Variants in GPD2 observed in about 807,000 individuals in gnomAD.
GPD2 encodes glycerol-3-phosphate dehydrogenase, mitochondrial.
GPD2 carries 54 observed loss-of-function variants against 82.4 expected under a neutral mutation model. That is an observed-to-expected ratio of 0.66 (90% CI 0.53 to 0.82). The LOEUF (loss-of-function observed/expected upper bound fraction) is 0.82. GPD2 is among the 40% of genes least tolerant of loss of function. The probability of loss-of-function intolerance (pLI) is 0.00; values close to 1 mark genes in which losing one functional copy is unlikely to be tolerated. For synonymous variants in GPD2, 288 were observed against 306.1 expected (o/e 0.94, Z 0.62); for missense variants, 748 against 896.2 (o/e 0.83, Z 2.11).
chr2:156,464,587 T>C (rs1342022769), intron 1 of GPD2, among the ~76,000 whole-genome samples: 1 of 152,202 alleles, frequency 6.6e-6, no homozygotes, highest in East Asian at 1.9e-4. Context: ...CTCTTATAAC[T>C]CTCAGTCACC....
In GPD2 at chr2:156,514,089, C is replaced by T. The variant is rs1000803794; in HGVS notation, c.661+593C>T. On this transcript the variant is annotated intron_variant, in intron 6 of 16. Coordinates refer to ENST00000438166, the MANE Select transcript of GPD2 (RefSeq NM_000408.5). ...GTTGTTAGATGTTTTCTAATAGTGA[C>T]ATTACATAGTGGCCATTTGCCATGT... Among the ~76,000 whole-genome samples, 8 of 149,100 alleles carry T rather than the reference C, an allele frequency of 5.4e-5. No homozygotes were observed. In the East Asian group the frequency reaches 1.6e-3, roughly 29 times the overall value.
At chr2:156,479,915 G>T (rs1683659919) in intron 2 of GPD2, among the ~76,000 whole-genome samples, 1 of 152,144 alleles carries the variant, frequency 6.6e-6, no homozygotes, top group Non-Finnish European at 1.5e-5. Flanking sequence ...AGGAACAAGA[G>T]TCTTAGTACT....
At chr2:156,440,830 C>CTA (rs1254986359) in intron 1 of GPD2, among the ~76,000 whole-genome samples, 3 of 152,190 alleles carry the variant, frequency 2.0e-5, no homozygotes, top group Admixed American at 1.3e-4. Flanking sequence ...CCAGTTCTGA[C>CTA]TAAAGAACTT....
intron 8 of GPD2, among the ~76,000 whole-genome samples, chr2:156,551,817 T>C (rs1309680932): frequency 6.6e-6 from 1 of 152,182 alleles, no homozygotes; most frequent in African/African-American, 2.4e-5. Flanking sequence ...TAACAATGTA[T>C]ATAGAAAAAG....
At chr2:156,525,463 A>G (rs746723178) in intron 6 of GPD2, among the ~76,000 whole-genome samples, 2 of 152,186 alleles carry the variant, frequency 1.3e-5, no homozygotes, top group South Asian at 2.1e-4. Flanking sequence ...TCTATTTGCT[A>G]TGAAGGTTCA....
chr2:156,441,998 CAGTG>C (rs758270160), intron 1 of GPD2, among the ~76,000 whole-genome samples: 18 of 152,052 alleles, frequency 1.2e-4, no homozygotes, highest in African/African-American at 3.9e-4. Context: ...GTATTTTTGA[CAGTG>C]AGATACTGTC....
At chr2:156,575,688 G>A (rs895487676) in intron 13 of GPD2, among the ~76,000 whole-genome samples, 7 of 152,058 alleles carry the variant, frequency 4.6e-5, no homozygotes, top group Non-Finnish European at 8.8e-5. Flanking sequence ...TCACAGGCAT[G>A]AGCCACCACA....
At chr2:156,485,426 A>G (rs1276267753) in intron 2 of GPD2, among the ~76,000 whole-genome samples, 1 of 152,206 alleles carries the variant, frequency 6.6e-6, no homozygotes. Flanking sequence ...TGTTGTCTGT[A>G]TGGATTTATT....
chr2:156,447,933 C>T (rs894327744), intron 1 of GPD2, among the ~76,000 whole-genome samples: 2 of 152,146 alleles, frequency 1.3e-5, no homozygotes, highest in Admixed American at 6.5e-5. Context: ...CAGACTTATT[C>T]GCTGAACTCA....
At position 156,558,306 on chromosome 2, in the gene GPD2, A is replaced by T. The variant is rs563110280; in HGVS notation, c.1165+724A>T. 5.1e-4 allele frequency among the ~76,000 whole-genome samples: 77 copies of T among 152,016 alleles called. 1 individual carries two copies. Among genetic ancestry groups the T allele is most frequent in the Non-Finnish European group, 1.0e-3 (69 of 68,004 alleles). ...TTTTTGGTATCCTTTCTCTTTCCAT[A>T]TCCAGTCTAATGCCTATCTATGCTT... On this transcript the variant is annotated intron_variant, in intron 9 of 16. Coordinates refer to ENST00000438166, the MANE Select transcript of GPD2 (RefSeq NM_000408.5).
At chr2:156,536,878 CA>C (rs565108751) in intron 6 of GPD2, among the ~76,000 whole-genome samples, 43 of 152,330 alleles carry the variant, frequency 2.8e-4, no homozygotes, top group Admixed American at 5.2e-4. Flanking sequence ...AAATGCATGA[CA>C]GTATCTTCAG....
chr2:156,407,302 T>A, the GPD2 span, among the ~76,000 whole-genome samples: 150 of 151,948 alleles, frequency 9.9e-4, 1 homozygote, highest in African/African-American at 2.9e-3. Context: ...ATTAAAAAAA[T>A]TTTTTTAATC....
the GPD2 span, among the ~76,000 whole-genome samples, chr2:156,412,044 T>C: frequency 6.6e-6 from 1 of 152,210 alleles, no homozygotes; most frequent in Admixed American, 6.5e-5. Context: ...CTTCTCTTAG[T>C]AGTATTGAGC....
intron 6 of GPD2, among the ~76,000 whole-genome samples, chr2:156,521,603 C>T (rs956084516): frequency 2.6e-5 from 4 of 152,222 alleles, no homozygotes; most frequent in Non-Finnish European, 5.9e-5. Flanking sequence ...GTTCCACAAG[C>T]ATCCCCTTGT....
At chr2:156,560,329 A>G (rs1558961668) in intron 9 of GPD2, among the ~76,000 whole-genome samples, 1 of 152,232 alleles carries the variant, frequency 6.6e-6, no homozygotes, top group Non-Finnish European at 1.5e-5. Context: ...TTTTCAATTA[A>G]CATACCATTT....
chr2:156,570,329 G>A, intron 12 of GPD2, 111 bp downstream of exon 12: 1 of 925,374 alleles, frequency 1.1e-6, no homozygotes, highest in Non-Finnish European at 1.8e-6. Context: ...ACATATGTCA[G>A]CTAAAACCAG....
chr2:156,584,229 A>C lies in GPD2; in HGVS notation c.*1311A>C, dbSNP rs1574028531. 1 of 152,104 alleles carries C rather than the reference A, an allele frequency of 6.6e-6. No individual in the cohort carries two copies. The highest frequency in any genetic ancestry group is 1.9e-4 in the East Asian group (1 of 5,172). The allele number at this position is 152,104 out of a possible 1,614,324, so 9.4% of individuals were successfully genotyped here. ...GGTGGCATTTTAACTAGTTATCTGAATATTTATTAATCGTACTTCCTCTTG... is the reference window on the plus strand; with the variant it reads ...GGTGGCATTTTAACTAGTTATCTGACTATTTATTAATCGTACTTCCTCTTG... On this transcript the variant is annotated 3_prime_UTR_variant, in exon 17 of 17. Transcript: ENST00000438166.
intron 2 of GPD2, among the ~76,000 whole-genome samples, chr2:156,483,533 G>GT (rs1295971187): frequency 2.0e-5 from 3 of 152,008 alleles, no homozygotes. Flanking sequence ...TAACATCAGA[G>GT]TTTAAAAAAA....
At chr2:156,446,529 A>C (rs1156394550) in intron 1 of GPD2, among the ~76,000 whole-genome samples, 1 of 152,072 alleles carries the variant, frequency 6.6e-6, no homozygotes, top group Non-Finnish European at 1.5e-5. Flanking sequence ...GAAGAAGAGA[A>C]TATGCATTTT....
Sources: allele counts gnomAD v4.1 joint callset (sites outside exome capture counted in the v4.1 genomes callset), GRCh38; gene constraint gnomAD v4.1.1; transcripts MANE v1.5; gene names NCBI Gene and HGNC (gene_info 2026-07-23, HGNC 2026-07-21).